Variants in PRELID2 observed in about 807,000 individuals in gnomAD.
PRELID2 encodes the protein PRELI domain containing 2.
PRELID2 carries 25 observed loss-of-function variants against 28.4 expected under a neutral mutation model. The observed-to-expected ratio is 0.88, with a 90% CI of 0.64 to 1.23. The LOEUF (loss-of-function observed/expected upper bound fraction) is 1.23. Among genes scored for constraint, PRELID2 ranks in the 50% most tolerant of loss-of-function variants. The pLI, the probability that PRELID2 is intolerant of heterozygous loss-of-function variation, is 0.00. For synonymous variants in PRELID2, 76 were observed against 71.6 expected (o/e 1.06, Z -0.31); for missense variants, 201 against 214.4 (o/e 0.94, Z 0.39).
chr5:145,338,657 G>C, the PRELID2 span, among the ~76,000 whole-genome samples: 1 of 152,148 alleles, frequency 6.6e-6, no homozygotes, highest in Non-Finnish European at 1.5e-5. Flanking sequence ...TGAGTAATCA[G>C]TTGCTACCAC....
chr5:145,268,249 C>A, the PRELID2 span, among the ~76,000 whole-genome samples: 2 of 152,094 alleles, frequency 1.3e-5, no homozygotes, highest in Non-Finnish European at 2.9e-5. Context: ...GGAGGGTTTT[C>A]TTTTAGTCAT....
At chr5:145,665,193 AAAGC>A (rs1754564362) in intron 1 of PRELID2, among the ~76,000 whole-genome samples, 1 of 152,128 alleles carries the variant, frequency 6.6e-6, no homozygotes. Flanking sequence ...CTAAGAATCT[AAAGC>A]AAGAGTCAAC....
chr5:145,448,547 A>T, the PRELID2 span, among the ~76,000 whole-genome samples: 36 of 152,104 alleles, frequency 2.4e-4, no homozygotes, highest in Admixed American at 2.4e-3. Flanking sequence ...GTCTCTGATA[A>T]AACAGATTTT....
At chr5:145,291,815 C>A in the PRELID2 span, among the ~76,000 whole-genome samples, 1 of 152,020 alleles carries the variant, frequency 6.6e-6, no homozygotes, top group African/African-American at 2.4e-5. Context: ...AGTATAAATT[C>A]GGTGTCTTGG....
chr5:145,582,595 A>T (rs1414517304), intron 1 of PRELID2, among the ~76,000 whole-genome samples: 1 of 152,052 alleles, frequency 6.6e-6, no homozygotes, highest in African/African-American at 2.4e-5. Flanking sequence ...ATGGTGATAC[A>T]ATCAGAAATA....
At chr5:145,457,749 G>C in the PRELID2 span, among the ~76,000 whole-genome samples, 2 of 152,092 alleles carry the variant, frequency 1.3e-5, no homozygotes, top group Admixed American at 1.3e-4. Context: ...ATTCATAAAG[G>C]CTCAGTGGAC....
the PRELID2 span, among the ~76,000 whole-genome samples, chr5:145,320,761 A>G: frequency 2.9e-3 from 444 of 152,274 alleles, no homozygotes; most frequent in African/African-American, 0.01. Context: ...TGAAAAAAAT[A>G]TGTGCTGACT....
intron 1 of PRELID2, among the ~76,000 whole-genome samples, chr5:145,536,647 G>A (rs368729665): frequency 2.0e-5 from 3 of 151,876 alleles, no homozygotes; most frequent in East Asian, 1.9e-4. Flanking sequence ...GGAGTCCATA[G>A]GGGCCAGGAT....
In PRELID2 at chr5:145,553,777, T is replaced by G. The variant is rs187163204; in HGVS notation, n.71-80462A>C. On this transcript the variant is annotated intron_variant and non_coding_transcript_variant, in intron 1 of 2. Transcript: ENST00000510259. ...AAATAGACATGAACAGGTTTGTATT[T>G]TAGAAAAAGAATTGTGACAGGGTGA... Among the ~76,000 whole-genome samples, 11 of 152,286 alleles carry G rather than the reference T, an allele frequency of 7.2e-5. No individual in the cohort carries two copies. In the East Asian group the frequency reaches 2.1e-3, roughly 29 times the overall value.
chr5:145,320,910 G>A, the PRELID2 span, among the ~76,000 whole-genome samples: 182 of 152,234 alleles, frequency 1.2e-3, 2 homozygotes, highest in African/African-American at 4.3e-3. Flanking sequence ...ACTGTCTGTT[G>A]AGCATTTTCT....
chr5:145,449,016 C>T, the PRELID2 span, among the ~76,000 whole-genome samples: 32 of 152,170 alleles, frequency 2.1e-4, no homozygotes, highest in African/African-American at 7.7e-4. Flanking sequence ...GATCAGATTG[C>T]CCAGAAGCTC....
At chr5:145,647,603 A>C (rs910478195) in intron 1 of PRELID2, among the ~76,000 whole-genome samples, 4 of 152,222 alleles carry the variant, frequency 2.6e-5, no homozygotes, top group Non-Finnish European at 4.4e-5. Context: ...CAACTCCTGC[A>C]GCTAGTTCAG....
At chr5:145,563,859 T>C (rs2126695891) in intron 1 of PRELID2, among the ~76,000 whole-genome samples, 1 of 152,298 alleles carries the variant, frequency 6.6e-6, no homozygotes, top group South Asian at 2.1e-4. Context: ...ATGTACAGCA[T>C]GAGTGCTACA....
chr5:145,400,026 T>C, the PRELID2 span, among the ~76,000 whole-genome samples: 1 of 152,120 alleles, frequency 6.6e-6, no homozygotes, highest in African/African-American at 2.4e-5. Context: ...CCATATTATC[T>C]CCACACCCTC....
chr5:145,470,477 G>A (rs1580949187), downstream of PRELID2, among the ~76,000 whole-genome samples: 1 of 18,680 alleles, frequency 5.4e-5, no homozygotes, highest in South Asian at 9.7e-4. Context: ...CACTAGTTAG[G>A]TAATTTTTAT....
chr5:145,286,349 G>GTTTTT, the PRELID2 span, among the ~76,000 whole-genome samples: 2 of 152,218 alleles, frequency 1.3e-5, no homozygotes, highest in East Asian at 3.9e-4. Context: ...GGCAGTCGCT[G>GTTTTT]TTTTTTCAGG....
chr5:145,427,508 G>A, the PRELID2 span, among the ~76,000 whole-genome samples: 6 of 152,318 alleles, frequency 3.9e-5, no homozygotes, highest in East Asian at 1.2e-3. Context: ...CGCAGAATCA[G>A]TGATCAGAGC....
chr5:145,297,677 T>C, the PRELID2 span, among the ~76,000 whole-genome samples: 2 of 152,006 alleles, frequency 1.3e-5, no homozygotes, highest in Non-Finnish European at 2.9e-5. Context: ...GGAAGTCAAA[T>C]TGTCCCTGTT....
intron 1 of PRELID2, among the ~76,000 whole-genome samples, chr5:145,830,810 G>T (rs1455979286): frequency 6.6e-6 from 1 of 152,138 alleles, no homozygotes; most frequent in Non-Finnish European, 1.5e-5. Flanking sequence ...CTAATATTTT[G>T]CCTGTGGTAT....
Sources: gnomAD v4.1 joint callset for allele counts (sites outside exome capture counted in the v4.1 genomes callset) on GRCh38, gnomAD v4.1.1 for gene constraint, MANE v1.5 for transcripts, NCBI Gene and HGNC (gene_info 2026-07-23, HGNC 2026-07-21) for gene names.